The following KIF18A variants were observed in gnomAD, a reference collection of about 807,000 sequenced individuals.
The protein encoded by KIF18A is kinesin-like protein KIF18A.
Under a neutral mutation model 103.3 loss-of-function variants are expected in KIF18A, and 67 were observed. The observed-to-expected ratio is 0.65, with a 90% confidence interval of 0.53 to 0.79. The LOEUF is 0.79. KIF18A is among the 30% of genes least tolerant of loss of function. The probability of loss-of-function intolerance (pLI) is 0.00; values close to 1 mark genes in which losing one functional copy is unlikely to be tolerated. For synonymous variants in KIF18A, 367 were observed against 355.5 expected (o/e 1.03, Z -0.36); for missense variants, 1,032 against 1,062.5 (o/e 0.97, Z 0.40).
At chr11:28,061,904 C>T (rs980193861) in intron 12 of KIF18A, among the ~76,000 whole-genome samples, 2 of 152,188 alleles carry the variant, frequency 1.3e-5, no homozygotes, top group African/African-American at 4.8e-5. Flanking sequence ...AATGTTACTA[C>T]TGAGCTAGAA....
chr11:28,031,538 G>T (rs990150907), intron 15 of KIF18A, among the ~76,000 whole-genome samples: 1 of 152,068 alleles, frequency 6.6e-6, no homozygotes, highest in Non-Finnish European at 1.5e-5. Flanking sequence ...TTGTGGGGTA[G>T]GGGGAGCGCA....
chr11:28,062,635 G>C, intron 11 of KIF18A, 119 bp from the exon 12 acceptor site: 1 of 734,398 alleles, frequency 1.4e-6, no homozygotes, highest in Non-Finnish European at 1.9e-6. Flanking sequence ...TAAATAATAT[G>C]TTTAGAAACA....
chr11:28,057,110 A>G (rs990132814), intron 13 of KIF18A, among the ~76,000 whole-genome samples: 7 of 152,088 alleles, frequency 4.6e-5, no homozygotes, highest in African/African-American at 1.7e-4. Flanking sequence ...GCAAACAAAA[A>G]GCCCCTCAAA....
chr11:28,062,758 G>A (rs1850871768), intron 11 of KIF18A, among the ~76,000 whole-genome samples: 1 of 152,006 alleles, frequency 6.6e-6, no homozygotes, highest in Non-Finnish European at 1.5e-5. Context: ...TTACTATGAT[G>A]ACAGCTTCTT....
chr11:28,074,139 C>T (rs993256700), intron 10 of KIF18A, among the ~76,000 whole-genome samples: 4 of 151,572 alleles, frequency 2.6e-5, no homozygotes, highest in Non-Finnish European at 5.9e-5. Flanking sequence ...GGAGTGAGAC[C>T]TTATCTCCAA....
At chr11:28,058,800 C>A in intron 13 of KIF18A, 126 bp downstream of exon 13, 1 of 671,220 alleles carries the variant, frequency 1.5e-6, no homozygotes, top group Non-Finnish European at 2.5e-6. Context: ...GACTATAAAG[C>A]TAATTTTCCC....
intron 15 of KIF18A, among the ~76,000 whole-genome samples, chr11:28,029,686 G>C (rs1157652494): frequency 2.0e-5 from 3 of 151,542 alleles, no homozygotes; most frequent in Non-Finnish European, 4.4e-5. Flanking sequence ...CCAGGGCAAT[G>C]AGGCAAGAGA....
At chr11:28,029,239 T>G (rs1171435744) in intron 15 of KIF18A, among the ~76,000 whole-genome samples, 2 of 152,056 alleles carry the variant, frequency 1.3e-5, no homozygotes, top group Admixed American at 1.3e-4. Context: ...AAGAGAATTT[T>G]AGACCAATAT....
At chr11:28,095,221 G>A (rs1851353508) in intron 2 of KIF18A, among the ~76,000 whole-genome samples, 1 of 152,216 alleles carries the variant, frequency 6.6e-6, no homozygotes, top group Non-Finnish European at 1.5e-5. Flanking sequence ...CTCAGAGGGT[G>A]CCTGCTTATT....
intron 12 of KIF18A, 31 bp downstream of exon 12, chr11:28,062,364 A>T: frequency 6.4e-7 from 1 of 1,559,474 alleles, no homozygotes; most frequent in Non-Finnish European, 8.7e-7. Flanking sequence ...ATAGTGTTAA[A>T]ATTGGAAAAT....
intron 13 of KIF18A, among the ~76,000 whole-genome samples, chr11:28,054,534 G>A (rs1759685487): frequency 6.6e-6 from 1 of 152,144 alleles, no homozygotes; most frequent in Admixed American, 6.6e-5. Flanking sequence ...CACTGCATGT[G>A]TGTGTATTTA....
intron 11 of KIF18A, among the ~76,000 whole-genome samples, chr11:28,066,832 T>TATTATATTAC (rs750548865): frequency 7.2e-4 from 107 of 148,890 alleles, no homozygotes; most frequent in Middle Eastern, 3.6e-3. Context: ...TATTATATTA[T>TATTATATTAC]ATGATGCAGT....
chr11:28,071,871 T>A (rs1395134983), intron 10 of KIF18A, among the ~76,000 whole-genome samples: 2 of 152,184 alleles, frequency 1.3e-5, no homozygotes, highest in Non-Finnish European at 2.9e-5. Context: ...AATTAAATCA[T>A]CTTTATTTTG....
intron 13 of KIF18A, among the ~76,000 whole-genome samples, chr11:28,041,809 G>C (rs1288482002): frequency 6.6e-6 from 1 of 151,778 alleles, no homozygotes; most frequent in Non-Finnish European, 1.5e-5. Flanking sequence ...TATGTAATTA[G>C]CTGCCTTATA....
At chr11:28,083,944 G>T (rs1029697030) in intron 7 of KIF18A, among the ~76,000 whole-genome samples, 4 of 152,044 alleles carry the variant, frequency 2.6e-5, no homozygotes, top group African/African-American at 9.7e-5. Flanking sequence ...AGAGGGGAAA[G>T]GGAGAAGAGG....
chr11:28,035,639 G>A (rs1049039384), intron 14 of KIF18A, 145 bp from the exon 15 acceptor site: 6 of 431,870 alleles, frequency 1.4e-5, no homozygotes, highest in Non-Finnish European at 1.2e-5. Flanking sequence ...AGATTCCCTT[G>A]CTTGTCCTGG....
chr11:28,043,653 T>C (rs970343572), intron 13 of KIF18A, among the ~76,000 whole-genome samples: 7 of 148,574 alleles, frequency 4.7e-5, no homozygotes, highest in Non-Finnish European at 7.4e-5. Flanking sequence ...ATTAATGAGG[T>C]AGTATACAGT....
At chr11:28,085,077 G>C (rs1482181349) in intron 6 of KIF18A, among the ~76,000 whole-genome samples, 3 of 151,948 alleles carry the variant, frequency 2.0e-5, no homozygotes. Context: ...GTTGCATTAC[G>C]AATATAACCT....
chr11:28,097,889 G>A lies in KIF18A; in HGVS notation c.59C>T (p.Pro20Leu), dbSNP rs368711959. The A allele has an allele frequency of 1.2e-5, 20 of 1,608,442 alleles. No homozygotes were observed. Among genetic ancestry groups the A allele is most frequent in the African/African-American group, 4.0e-5 (3 of 74,478 alleles). The change falls in exon 2 of 17, where the codon CCG becomes CTG. Residue 20 changes from proline to leucine, a missense_variant. By Grantham distance (98) the Pro-to-Leu change is moderately conservative (BLOSUM62 -3). Coordinates refer to ENST00000263181, the MANE Select transcript of KIF18A (RefSeq NM_031217.4). ...AGCTGCTTTTTCTTTAGTGTTTTCC[G>A]GACGTACACGAACTACTACTTTCAT... Reference protein sequence around the residue: ...HHMKVVVRVRPENTKEKAAGF... With the variant: ...HHMKVVVRVRLENTKEKAAGF...
Sources: allele counts gnomAD v4.1 joint callset (sites outside exome capture counted in the v4.1 genomes callset), GRCh38; gene constraint gnomAD v4.1.1; transcripts MANE v1.5; gene names NCBI Gene and HGNC (gene_info 2026-07-23, HGNC 2026-07-21).